The following PRLR variants were observed in gnomAD, a reference collection of about 807,000 sequenced individuals.
The protein encoded by PRLR is prolactin receptor, also known as hPRL receptor.
A neutral mutation model predicts 40.2 loss-of-function variants in PRLR; 13 were observed. The ratio of observed to expected loss-of-function variants is 0.32; its 90% CI spans 0.21 to 0.51. The LOEUF is 0.51. Among genes scored for constraint, PRLR ranks in the 20% least tolerant of loss-of-function variants. The pLI is 0.97. For missense variants in PRLR, 656 were observed against 747.3 expected (o/e 0.88, Z 1.42); for synonymous variants, 269 against 278.7 (o/e 0.97, Z 0.35).
intron 1 of PRLR, among the ~76,000 whole-genome samples, chr5:35,172,842 G>A (rs1319286515): frequency 6.6e-6 from 1 of 152,162 alleles, no homozygotes; most frequent in Non-Finnish European, 1.5e-5. Flanking sequence ...TTGTTCTGAG[G>A]AAAATTTTAT....
intron 1 of PRLR, among the ~76,000 whole-genome samples, chr5:35,185,114 G>A (rs977593919): frequency 6.6e-6 from 1 of 152,226 alleles, no homozygotes; most frequent in African/African-American, 2.4e-5. Flanking sequence ...CCACAGACCA[G>A]TGAGTCTTTA....
intron 1 of PRLR, among the ~76,000 whole-genome samples, chr5:35,187,802 G>A (rs1251309232): frequency 1.3e-5 from 2 of 152,160 alleles, no homozygotes; most frequent in Non-Finnish European, 2.9e-5. Context: ...CTGGAGCACA[G>A]GAGCCTCCCT....
At chr5:35,106,251 G>C (rs1772240907) in intron 2 of PRLR, among the ~76,000 whole-genome samples, 1 of 152,090 alleles carries the variant, frequency 6.6e-6, no homozygotes, top group African/African-American at 2.4e-5. Context: ...AGGAACAACT[G>C]GTACCAGCCA....
chr5:35,118,493 T>G (rs1386273776), intron 1 of PRLR, among the ~76,000 whole-genome samples: 2 of 152,196 alleles, frequency 1.3e-5, no homozygotes, highest in Non-Finnish European at 2.9e-5. Flanking sequence ...CAGTGTGTTT[T>G]CCTAAGAACA....
intron 2 of PRLR, among the ~76,000 whole-genome samples, chr5:35,111,699 C>T (rs1772670136): frequency 2.0e-5 from 3 of 151,944 alleles, no homozygotes; most frequent in South Asian, 2.1e-4. Context: ...ATTATTTAAC[C>T]TTTAAAGTAA....
At chr5:35,120,188 G>A (rs1244694994) in intron 1 of PRLR, among the ~76,000 whole-genome samples, 1 of 152,128 alleles carries the variant, frequency 6.6e-6, no homozygotes, top group Non-Finnish European at 1.5e-5. Flanking sequence ...GCCTCAGAGA[G>A]TGGTGCTAGC....
chr5:35,153,827 G>A (rs1774410317), intron 1 of PRLR, among the ~76,000 whole-genome samples: 1 of 147,566 alleles, frequency 6.8e-6, no homozygotes, highest in Non-Finnish European at 1.5e-5. Flanking sequence ...TTATGCCAGT[G>A]CAGTCTTCTA....
At chr5:35,096,895 C>T (rs1204146527) in intron 2 of PRLR, among the ~76,000 whole-genome samples, 1 of 152,220 alleles carries the variant, frequency 6.6e-6, no homozygotes, top group Non-Finnish European at 1.5e-5. Context: ...GCTGGGATTA[C>T]AGGCGTGAGC....
intron 1 of PRLR, among the ~76,000 whole-genome samples, chr5:35,141,833 A>G (rs1405999486): frequency 2.0e-5 from 3 of 152,078 alleles, no homozygotes; most frequent in Admixed American, 2.0e-4. Context: ...ATTGGATGCC[A>G]TGCCCCTGGA....
At chr5:35,124,673 TA>T (rs1773398391) in intron 1 of PRLR, among the ~76,000 whole-genome samples, 1 of 152,192 alleles carries the variant, frequency 6.6e-6, no homozygotes, top group Non-Finnish European at 1.5e-5. Flanking sequence ...CCCTAACTCC[TA>T]TTTTTGGCAT....
At chr5:35,068,027 AGT>A (rs1281150433) in intron 9 of PRLR, among the ~76,000 whole-genome samples, 187 bp downstream of exon 9, 3 of 152,210 alleles carry the variant, frequency 2.0e-5, no homozygotes, top group African/African-American at 7.2e-5. Flanking sequence ...TCTGACATTT[AGT>A]GTGTGAAAGT....
At chr5:35,164,111 T>A (rs548253351) in intron 1 of PRLR, among the ~76,000 whole-genome samples, 1 of 152,350 alleles carries the variant, frequency 6.6e-6, no homozygotes, top group South Asian at 2.1e-4. Flanking sequence ...TTGGAATAAT[T>A]CTTCAGATTG....
chr5:35,120,157 G>A (rs944398146), intron 1 of PRLR, among the ~76,000 whole-genome samples: 2 of 151,978 alleles, frequency 1.3e-5, no homozygotes, highest in African/African-American at 2.4e-5. Flanking sequence ...TCAGGGTATC[G>A]ATTTCCCTCC....
At chr5:35,179,314 C>T (rs1775229991) in intron 1 of PRLR, among the ~76,000 whole-genome samples, 1 of 152,220 alleles carries the variant, frequency 6.6e-6, no homozygotes, top group African/African-American at 2.4e-5. Context: ...ATCTGTTCAT[C>T]CCATCATTAA....
At chr5:35,226,078 A>C (rs1289999035) in intron 1 of PRLR, among the ~76,000 whole-genome samples, 8 of 152,248 alleles carry the variant, frequency 5.3e-5, no homozygotes, top group African/African-American at 1.9e-4. Context: ...CCACATTTCA[A>C]GTGCTCAATA....
intron 1 of PRLR, among the ~76,000 whole-genome samples, chr5:35,130,852 G>A (rs941163206): frequency 6.6e-6 from 1 of 152,166 alleles, no homozygotes; most frequent in Non-Finnish European, 1.5e-5. Flanking sequence ...ACAGAGAAGA[G>A]ACACACGGGG....
At chr5:35,184,818 C>T (rs962200333) in intron 1 of PRLR, among the ~76,000 whole-genome samples, 2 of 152,198 alleles carry the variant, frequency 1.3e-5, no homozygotes, top group African/African-American at 4.8e-5. Context: ...CAAGTATCCA[C>T]AAGGCAGCTG....
chr5:35,059,210 G>A lies in PRLR; in HGVS notation c.*5879C>T. On this transcript the variant is annotated 3_prime_UTR_variant, in exon 10 of 10. Transcript: ENST00000618457. Reference sequence around the variant, plus strand: ...TTTAGGGTTTTTTTCTTTTTAATCAGCAGCAAGCAGAATGTTAATTAATAG... The same window carrying A: ...TTTAGGGTTTTTTTCTTTTTAATCAACAGCAAGCAGAATGTTAATTAATAG... 6.6e-6 allele frequency: 1 copy of A among 152,058 alleles called. No homozygotes were observed. The allele number at this position is 152,058 out of a possible 1,614,324, so 9.4% of individuals were successfully genotyped here.
At chr5:35,052,719 C>A (rs565647229), downstream of PRLR, among the ~76,000 whole-genome samples, 9 of 152,260 alleles carry the variant, frequency 5.9e-5, no homozygotes, top group South Asian at 1.9e-3. Context: ...CATAAGACCC[C>A]CTTTCCAGAG....
Sources: allele counts gnomAD v4.1 joint callset (sites outside exome capture counted in the v4.1 genomes callset), GRCh38; gene constraint gnomAD v4.1.1; transcripts MANE v1.5; gene names NCBI Gene and HGNC (gene_info 2026-07-23, HGNC 2026-07-21).